Variants in SPAG16 observed in about 807,000 individuals in gnomAD.
SPAG16 encodes the protein sperm-associated antigen 16 protein.
A neutral mutation model predicts 80.4 loss-of-function variants in SPAG16; 86 were observed. The ratio of observed to expected loss-of-function variants is 1.07; its 90% CI spans 0.90 to 1.28. The LOEUF (loss-of-function observed/expected upper bound fraction) is 1.28. Ranked by LOEUF, SPAG16 falls within the 50% of genes most tolerant of loss-of-function variation. The pLI is 0.00. For missense variants in SPAG16, 870 were observed against 765.3 expected, an observed-to-expected ratio of 1.14 and a Z score of -1.61; for synonymous variants, 294 against 265.9, an observed-to-expected ratio of 1.11 and a Z score of -1.03.
At chr2:213,849,328 A>G (rs1376461352) in intron 10 of SPAG16, among the ~76,000 whole-genome samples, 1 of 152,134 alleles carries the variant, frequency 6.6e-6, no homozygotes, top group Non-Finnish European at 1.5e-5. Context: ...CCATGGCCCA[A>G]ACACCTCCTA....
At chr2:213,595,850 AAT>A (rs1191862098) in intron 10 of SPAG16, among the ~76,000 whole-genome samples, 1 of 152,100 alleles carries the variant, frequency 6.6e-6, no homozygotes, top group Non-Finnish European at 1.5e-5. Flanking sequence ...TTTTTATTAA[AAT>A]AGAGTATTTA....
At chr2:213,829,505 A>T (rs947789909) in intron 10 of SPAG16, among the ~76,000 whole-genome samples, 1 of 152,106 alleles carries the variant, frequency 6.6e-6, no homozygotes, top group Non-Finnish European at 1.5e-5. Context: ...ATGGCCAAGC[A>T]AGTACCTAAG....
rs11688633 is a variant in SPAG16, at chr2:213,509,232, G to A, written c.1070+19142G>A. ...AGGCTGGTCTTGAATTCCTGATCTCGTGATCCACCCGCCTCGGCCTCCAAA... is the reference window on the plus strand; with the variant it reads ...AGGCTGGTCTTGAATTCCTGATCTCATGATCCACCCGCCTCGGCCTCCAAA... On this transcript the variant is annotated intron_variant, in intron 10 of 15. Transcript: ENST00000331683. Among the ~76,000 whole-genome samples the A allele has an allele frequency of 3.5e-3, 533 of 152,048 alleles. 5 individuals are homozygous for A. Among genetic ancestry groups the A allele is most frequent in the Non-Finnish European group, 4.9e-3 (335 of 67,972 alleles).
chr2:214,185,341 G>T (rs1000950313), intron 15 of SPAG16, among the ~76,000 whole-genome samples: 5 of 152,002 alleles, frequency 3.3e-5, no homozygotes, highest in Admixed American at 6.6e-5. Context: ...TATGGTTATT[G>T]TACAGAAGCT....
intron 1 of SPAG16, among the ~76,000 whole-genome samples, chr2:213,285,544 C>T (rs1015804283): frequency 6.6e-6 from 1 of 152,128 alleles, no homozygotes; most frequent in Non-Finnish European, 1.5e-5. Context: ...CAACTGTAAT[C>T]CTCTCCAGGT....
chr2:214,247,223 G>A (rs1689911441), intron 15 of SPAG16, among the ~76,000 whole-genome samples: 1 of 152,008 alleles, frequency 6.6e-6, no homozygotes, highest in African/African-American at 2.4e-5. Flanking sequence ...TGTTAAGTGC[G>A]ACTGAGATGA....
chr2:213,737,982 T>C (rs770623772), intron 10 of SPAG16, among the ~76,000 whole-genome samples: 4 of 142,408 alleles, frequency 2.8e-5, no homozygotes, highest in African/African-American at 4.9e-5. Flanking sequence ...CATTCATTCA[T>C]TGAATTTCTT....
At chr2:214,071,504 C>A (rs1292227275) in intron 13 of SPAG16, among the ~76,000 whole-genome samples, 1 of 151,976 alleles carries the variant, frequency 6.6e-6, no homozygotes, top group Non-Finnish European at 1.5e-5. Context: ...ATAATGAAAA[C>A]AACCAAAGGA....
intron 10 of SPAG16, among the ~76,000 whole-genome samples, chr2:213,855,326 T>C (rs1042758983): frequency 1.3e-5 from 2 of 152,230 alleles, no homozygotes; most frequent in East Asian, 1.9e-4. Context: ...CTTAAAGATA[T>C]GGACTTGAGA....
chr2:213,853,941 G>A (rs548564003), intron 10 of SPAG16, among the ~76,000 whole-genome samples: 19 of 152,120 alleles, frequency 1.2e-4, no homozygotes, highest in Non-Finnish European at 2.4e-4. Context: ...TCTAAAATGA[G>A]CTTTTCCCCC....
At chr2:213,963,644 T>C (rs2044567847) in intron 12 of SPAG16, among the ~76,000 whole-genome samples, 1 of 152,184 alleles carries the variant, frequency 6.6e-6, no homozygotes, top group African/African-American at 2.4e-5. Flanking sequence ...TTCAGACTGC[T>C]TTTGTTGAAT....
intron 9 of SPAG16, among the ~76,000 whole-genome samples, chr2:213,460,657 T>G (rs1361888228): frequency 6.6e-6 from 1 of 152,188 alleles, no homozygotes; most frequent in Admixed American, 6.5e-5. Context: ...TTGATATACA[T>G]GTGCATGGCT....
chr2:213,355,039 T>A (rs553738072), intron 7 of SPAG16, among the ~76,000 whole-genome samples: 12 of 152,328 alleles, frequency 7.9e-5, no homozygotes, highest in Non-Finnish European at 1.6e-4. Flanking sequence ...TTAATTTTTG[T>A]ATAAGGTGTA....
intron 13 of SPAG16, among the ~76,000 whole-genome samples, chr2:214,091,362 C>T (rs142001917): frequency 6.6e-6 from 1 of 152,086 alleles, no homozygotes; most frequent in East Asian, 1.9e-4. Context: ...ACTTACCAAG[C>T]TGGGAAAGTC....
chr2:213,552,413 T>A (rs2076806221), intron 10 of SPAG16, among the ~76,000 whole-genome samples: 1 of 152,196 alleles, frequency 6.6e-6, no homozygotes, highest in Non-Finnish European at 1.5e-5. Context: ...ATCACTAACC[T>A]TCCTGGTGGG....
At chr2:214,131,948 A>AG (rs2054804424) in intron 14 of SPAG16, among the ~76,000 whole-genome samples, 1 of 152,126 alleles carries the variant, frequency 6.6e-6, no homozygotes, top group Non-Finnish European at 1.5e-5. Flanking sequence ...TGGATGATGA[A>AG]GATGTGCTAA....
chr2:213,532,225 A>G (rs1184908044), intron 10 of SPAG16, among the ~76,000 whole-genome samples: 1 of 152,168 alleles, frequency 6.6e-6, no homozygotes, highest in Non-Finnish European at 1.5e-5. Context: ...TTTAAAAACC[A>G]CAGTCAAAAT....
chr2:214,346,644 C>T (rs1698072463), intron 15 of SPAG16, among the ~76,000 whole-genome samples: 1 of 152,162 alleles, frequency 6.6e-6, no homozygotes, highest in African/African-American at 2.4e-5. Flanking sequence ...ATGCATTAGC[C>T]ACATTGCTCA....
chr2:213,939,957 T>A (rs1032458418), intron 12 of SPAG16, among the ~76,000 whole-genome samples: 28 of 152,162 alleles, frequency 1.8e-4, no homozygotes, highest in African/African-American at 2.4e-5. Context: ...TCTTTAATGT[T>A]GAAGATGTAG....
Sources: gnomAD v4.1 joint callset for allele counts (sites outside exome capture counted in the v4.1 genomes callset) on GRCh38, gnomAD v4.1.1 for gene constraint, MANE v1.5 for transcripts, NCBI Gene and HGNC (gene_info 2026-07-23, HGNC 2026-07-21) for gene names.